TAF3: variants seen among roughly 807,000 people sequenced by gnomAD.
The protein encoded by TAF3 is TATA-box binding protein associated factor 3, also known as transcription initiation factor TFIID subunit 3.
In TAF3, 7 loss-of-function variants were observed where a neutral mutation model predicts 80.6. The observed-to-expected ratio is 0.09, with a 90% CI of 0.05 to 0.16. The LOEUF (loss-of-function observed/expected upper bound fraction) is 0.16, where lower values mean the gene tolerates loss of function less well. Ranked by LOEUF, TAF3 falls within the 10% of genes least tolerant of loss-of-function variation. TAF3 has a pLI of 1.00. For missense variants in TAF3, 921 were observed against 1,140.2 expected, an observed-to-expected ratio of 0.81 and a Z score of 2.77; for synonymous variants, 444 against 446.1, an observed-to-expected ratio of 1.00 and a Z score of 0.06.
At chr10:7,940,092 A>G (rs550688562) in intron 2 of TAF3, among the ~76,000 whole-genome samples, 2 of 152,342 alleles carry the variant, frequency 1.3e-5, no homozygotes, top group South Asian at 4.1e-4. Flanking sequence ...AAGGACTGCA[A>G]TTCATAATGG....
At chr10:7,828,749 A>G (rs577353732) in intron 2 of TAF3, among the ~76,000 whole-genome samples, 7 of 151,884 alleles carry the variant, frequency 4.6e-5, no homozygotes, top group African/African-American at 1.7e-4. Flanking sequence ...AGAAAGAAAT[A>G]TAGGCTGGGC....
chr10:7,912,615 C>T (rs1276815359), intron 2 of TAF3, among the ~76,000 whole-genome samples: 4 of 152,148 alleles, frequency 2.6e-5, no homozygotes, highest in Non-Finnish European at 2.9e-5. Context: ...TTCTGAAATA[C>T]ATGGTAATTC....
In TAF3 at chr10:7,965,253, A is replaced by C; in HGVS notation, c.1743A>C (p.Lys581Asn). 2 of 1,608,780 alleles carry C rather than the reference A, an allele frequency of 1.2e-6. No homozygotes were observed. The highest frequency in any genetic ancestry group is 8.5e-7 in the Non-Finnish European group (1 of 1,178,724). ...ETKYPWKEFL[K>N]EEEADPYKFK... ...AGTATCCCTGGAAGGAATTTCTTAAAGAGGAAGAGGCAGATCCCTACAAGT... is the reference window on the plus strand; with the variant it reads ...AGTATCCCTGGAAGGAATTTCTTAACGAGGAAGAGGCAGATCCCTACAAGT... Residue 581 changes from lysine (K) to asparagine (N), a missense_variant, in exon 3 of 7, where the codon AAA becomes AAC. Physicochemically the swap from Lys to Asn is moderately conservative, Grantham distance 94. Around this residue, in one of 6 missense-constraint regions of TAF3, gnomAD observed 743 missense variants for 821.0 expected, o/e 0.90. Coordinates refer to ENST00000344293, the MANE Select transcript of TAF3 (RefSeq NM_031923.4).
At chr10:7,963,138 A>G (rs1015886609) in intron 2 of TAF3, among the ~76,000 whole-genome samples, 3 of 152,200 alleles carry the variant, frequency 2.0e-5, no homozygotes, top group Non-Finnish European at 4.4e-5. Flanking sequence ...ACATCAAGCA[A>G]GCAAAATAGA....
chr10:7,946,594 A>G (rs1189290871), intron 2 of TAF3, among the ~76,000 whole-genome samples: 1 of 152,184 alleles, frequency 6.6e-6, no homozygotes, highest in Non-Finnish European at 1.5e-5. Flanking sequence ...GTAGTAGCAC[A>G]TGTCCTTGGT....
chr10:7,989,115 A>G (rs1310620940), intron 4 of TAF3, among the ~76,000 whole-genome samples: 1 of 152,170 alleles, frequency 6.6e-6, no homozygotes, highest in Non-Finnish European at 1.5e-5. Flanking sequence ...ATTTCAACCC[A>G]GAGGAAATGG....
chr10:7,973,894 C>T (rs1332138863), intron 3 of TAF3, among the ~76,000 whole-genome samples: 5 of 152,022 alleles, frequency 3.3e-5, no homozygotes, highest in African/African-American at 1.2e-4. Context: ...CTTTGGGAGG[C>T]TGAGGCAGGC....
At chr10:7,996,428 G>C (rs1170504182) in intron 4 of TAF3, among the ~76,000 whole-genome samples, 1 of 152,210 alleles carries the variant, frequency 6.6e-6, no homozygotes, top group African/African-American at 2.4e-5. Flanking sequence ...ATCCAGCTCA[G>C]CCTGTCCAGT....
intron 2 of TAF3, among the ~76,000 whole-genome samples, chr10:7,848,534 C>T (rs1274317103): frequency 6.6e-6 from 1 of 152,192 alleles, no homozygotes; most frequent in African/African-American, 2.4e-5. Flanking sequence ...CAGCCAGCAA[C>T]CCCTTCCAGG....
At chr10:7,823,634 C>CTT (rs71515490) in intron 1 of TAF3, among the ~76,000 whole-genome samples, 2,771 of 135,878 alleles carry the variant, frequency 0.02, 72 homozygotes, top group African/African-American at 0.051. Context: ...GATGCCATCT[C>CTT]TTTTTTTTTT....
chr10:7,851,302 G>T (rs1007870886), intron 2 of TAF3, among the ~76,000 whole-genome samples: 9 of 152,152 alleles, frequency 5.9e-5, no homozygotes, highest in African/African-American at 2.2e-4. Context: ...AGAGGATCTG[G>T]TGTAAGGCTC....
At chr10:7,838,019 A>G (rs1244497) in intron 2 of TAF3, among the ~76,000 whole-genome samples, 27,319 of 152,194 alleles carry the variant, frequency 0.18, 2,539 homozygotes, top group South Asian at 0.26. Context: ...CATAAACATT[A>G]TCTCATTTAA....
At chr10:7,844,382 T>G (rs1024973917) in intron 2 of TAF3, among the ~76,000 whole-genome samples, 11 of 149,780 alleles carry the variant, frequency 7.3e-5, no homozygotes, top group Non-Finnish European at 1.6e-4. Flanking sequence ...CTTGTTCTTT[T>G]TTTTTTTTTT....
At chr10:7,977,015 T>C (rs1366919152) in intron 3 of TAF3, among the ~76,000 whole-genome samples, 1 of 152,288 alleles carries the variant, frequency 6.6e-6, no homozygotes, top group Non-Finnish European at 1.5e-5. Flanking sequence ...CAAATAGAAA[T>C]AACTACCATA....
intron 4 of TAF3, among the ~76,000 whole-genome samples, chr10:7,979,586 T>C (rs79302279): frequency 0.016 from 2,376 of 152,296 alleles, 32 homozygotes; most frequent in South Asian, 0.051. Flanking sequence ...GCATATTATA[T>C]ATCATGTAAA....
intron 2 of TAF3, among the ~76,000 whole-genome samples, chr10:7,878,699 ATG>A (rs1222411430): frequency 1.1e-4 from 4 of 36,460 alleles, no homozygotes; most frequent in Non-Finnish European, 9.3e-5. Context: ...CAATGTATGT[ATG>A]TATGTATGTA....
intron 2 of TAF3, among the ~76,000 whole-genome samples, chr10:7,830,355 C>T (rs757439483): frequency 2.1e-4 from 31 of 149,496 alleles, no homozygotes; most frequent in Non-Finnish European, 3.7e-4. Context: ...TAACCAACCA[C>T]TGTCCTGACT....
At chr10:7,996,275 G>A (rs950430103) in intron 4 of TAF3, among the ~76,000 whole-genome samples, 3 of 152,148 alleles carry the variant, frequency 2.0e-5, no homozygotes, top group East Asian at 1.9e-4. Flanking sequence ...CACAGCTGTC[G>A]GCAGGAGGCT....
intron 2 of TAF3, among the ~76,000 whole-genome samples, chr10:7,867,372 T>G (rs1368306384): frequency 6.6e-6 from 1 of 152,242 alleles, no homozygotes; most frequent in Non-Finnish European, 1.5e-5. Context: ...TTTAGTCATT[T>G]GTTTCTTCTA....
Sources: allele counts gnomAD v4.1 joint callset (sites outside exome capture counted in the v4.1 genomes callset), GRCh38; gene constraint gnomAD v4.1.1; regional missense constraint gnomAD v4.1.1; transcripts MANE v1.5; gene names NCBI Gene and HGNC (gene_info 2026-07-23, HGNC 2026-07-21).